The following CDC42BPA variants were observed in gnomAD, a reference collection of about 807,000 sequenced individuals.
The protein encoded by CDC42BPA is CDC42 binding protein kinase alpha, also known as serine/threonine-protein kinase MRCK alpha.
A neutral mutation model predicts 223.5 loss-of-function variants in CDC42BPA; 80 were observed. The observed-to-expected ratio is 0.36, with a 90% CI of 0.30 to 0.43. The LOEUF is 0.43. Among genes scored for constraint, CDC42BPA ranks in the 20% least tolerant of loss-of-function variants. CDC42BPA has a pLI of 1.00. For missense variants in CDC42BPA, 1,743 were observed against 2,099.9 expected (o/e 0.83, Z 3.32); for synonymous variants, 694 against 718.6 (o/e 0.97, Z 0.55).
chr1:227,246,188 T>C (rs1424271116), intron 2 of CDC42BPA, among the ~76,000 whole-genome samples: 8 of 152,176 alleles, frequency 5.3e-5, no homozygotes, highest in Admixed American at 3.9e-4. Context: ...GGAACAGTCA[T>C]GGTGCTGGCC....
At chr1:227,026,698 A>G (rs7549465) in intron 30 of CDC42BPA, among the ~76,000 whole-genome samples, 1 of 151,610 alleles carries the variant, frequency 6.6e-6, no homozygotes, top group Non-Finnish European at 1.5e-5. Context: ...GAATTATTGA[A>G]AGAGCTACAC....
chr1:227,037,350 T>C (rs1020041600), intron 24 of CDC42BPA, among the ~76,000 whole-genome samples: 4 of 152,254 alleles, frequency 2.6e-5, no homozygotes. Flanking sequence ...TCAATCTACA[T>C]GTACTTCCTG....
intron 34 of CDC42BPA, among the ~76,000 whole-genome samples, chr1:227,009,366 GACTA>G (rs941996901): frequency 1.2e-4 from 18 of 152,090 alleles, no homozygotes; most frequent in African/African-American, 3.9e-4. Flanking sequence ...AGTTATAGAT[GACTA>G]ACTAAAGCAA....
At chr1:227,160,470 A>C (rs1280399510) in intron 6 of CDC42BPA, 73 bp downstream of exon 6, 2 of 982,438 alleles carry the variant, frequency 2.0e-6, no homozygotes, top group Non-Finnish European at 3.3e-6. Context: ...GATGGTTTCT[A>C]AAACAGATAT....
rs180825801 is a variant in CDC42BPA at position 227,011,704 on chromosome 1, A to T, written c.4857+4376T>A. Among the ~76,000 whole-genome samples, 917 of 152,318 alleles carry T rather than the reference A, an allele frequency of 6.0e-3. 11 individuals carry two copies. The highest frequency in any genetic ancestry group is 0.021 in the African/African-American group (863 of 41,584). ...CTTCAATGTTCAGGTATATTTTTTA[A>T]AAATGAAATAATGTAATATCAAAGA... On this transcript the variant is annotated intron_variant, in intron 34 of 36. Transcript: ENST00000366766.
At chr1:227,179,901 A>G (rs1000367155) in intron 5 of CDC42BPA, among the ~76,000 whole-genome samples, 1 of 152,094 alleles carries the variant, frequency 6.6e-6, no homozygotes, top group African/African-American at 2.4e-5. Flanking sequence ...CACCATTTTT[A>G]GATCATTTTT....
At chr1:227,241,277 A>T (rs79270577) in intron 2 of CDC42BPA, among the ~76,000 whole-genome samples, 14,250 of 152,206 alleles carry the variant, frequency 0.094, 843 homozygotes, top group Middle Eastern at 0.17. Flanking sequence ...AACTGGAAGT[A>T]GTATGCCAGT....
At chr1:227,086,220 A>G (rs974877227) in intron 16 of CDC42BPA, among the ~76,000 whole-genome samples, 1 of 152,106 alleles carries the variant, frequency 6.6e-6, no homozygotes, top group Non-Finnish European at 1.5e-5. Context: ...TGCTTTGTTT[A>G]TCATGCACCA....
intron 1 of CDC42BPA, among the ~76,000 whole-genome samples, chr1:227,294,036 C>T (rs567947604): frequency 7.3e-4 from 111 of 152,148 alleles, no homozygotes; most frequent in African/African-American, 2.6e-3. Context: ...CTTTGGGAGG[C>T]TGAGGCGGGT....
At position 227,317,684 on chromosome 1, in the gene CDC42BPA, G is replaced by A; in HGVS notation, c.-502C>T. 2.5e-6 allele frequency: 1 copy of A among 398,514 alleles called. No individual in the cohort carries two copies. The highest frequency in any genetic ancestry group is 4.4e-6 in the Non-Finnish European group (1 of 226,086). The allele number at this position is 398,514 out of a possible 1,614,324, so 24.7% of individuals were successfully genotyped here. A position where few individuals can be genotyped will look rare whatever the true frequency, so the allele number is the denominator to read the frequency against. ...GGAAAAAAACAGAATGCATAGAAGG[G>A]GGAGGGAAAACCAAAAATGTTGCTG... is the stretch of plus-strand genomic sequence containing the variant. On this transcript the variant is annotated 5_prime_UTR_variant, in exon 1 of 37. Coordinates refer to ENST00000366766, the MANE Select transcript of CDC42BPA (RefSeq NM_001394014.1).
At chr1:227,182,879 G>C (rs1668173407) in intron 5 of CDC42BPA, 1 of 152,194 alleles carries the variant, frequency 6.6e-6, no homozygotes, top group Non-Finnish European at 1.5e-5. Context: ...CATGAAGCCT[G>C]CTTCCGCTTT....
intron 21 of CDC42BPA, chr1:227,068,554 G>T (rs921384560): frequency 1.7e-5 from 5 of 290,586 alleles, no homozygotes; most frequent in African/African-American, 6.9e-5. Context: ...TTTCAAATGT[G>T]GTATTTCTAA....
chr1:227,021,007 G>A (rs1328203079), intron 32 of CDC42BPA, among the ~76,000 whole-genome samples: 3 of 152,116 alleles, frequency 2.0e-5, no homozygotes, highest in Non-Finnish European at 4.4e-5. Context: ...GGGAACAGCT[G>A]CTTGGTGGAA....
rs565518123 is a variant in CDC42BPA, at chr1:227,200,449, A to C, written c.355-797T>G. 6.7e-5 allele frequency among the ~76,000 whole-genome samples: 10 copies of C among 149,330 alleles called. No individual in the cohort carries two copies. In the South Asian group the frequency reaches 1.9e-3, roughly 28 times the overall value. On this transcript the variant is annotated intron_variant, in intron 3 of 36. Transcript: ENST00000366766. ...TTGCCTTAAAAAACAAACAAACAAA[A>C]AAAAAACGAAAGAAAGAAAGAAAAC...
chr1:227,166,537 A>C (rs114817164), intron 5 of CDC42BPA, among the ~76,000 whole-genome samples: 1,764 of 152,324 alleles, frequency 0.012, 17 homozygotes, highest in Middle Eastern at 0.02. Flanking sequence ...CATTTGACCA[A>C]GACTATAGCT....
intron 1 of CDC42BPA, among the ~76,000 whole-genome samples, chr1:227,256,339 G>A (rs1173311337): frequency 6.6e-6 from 1 of 152,060 alleles, no homozygotes; most frequent in Non-Finnish European, 1.5e-5. Flanking sequence ...GCCAAGAGGA[G>A]GGAAAGCATT....
chr1:227,175,461 G>A (rs1330365464), intron 5 of CDC42BPA, among the ~76,000 whole-genome samples: 1 of 151,302 alleles, frequency 6.6e-6, no homozygotes, highest in Non-Finnish European at 1.5e-5. Context: ...ATAAATAACT[G>A]GATAATGGGT....
intron 21 of CDC42BPA, among the ~76,000 whole-genome samples, chr1:227,054,392 C>T (rs1385388740): frequency 2.0e-5 from 3 of 152,148 alleles, no homozygotes; most frequent in Non-Finnish European, 4.4e-5. Flanking sequence ...CTGTCTTCTA[C>T]TTTCTCGCAT....
chr1:227,237,699 A>G (rs972905274), intron 2 of CDC42BPA, among the ~76,000 whole-genome samples: 2 of 152,204 alleles, frequency 1.3e-5, no homozygotes, highest in African/African-American at 4.8e-5. Flanking sequence ...CTTGTTCCAC[A>G]AATGGACTTT....
Sources: allele counts gnomAD v4.1 joint callset (sites outside exome capture counted in the v4.1 genomes callset), GRCh38; gene constraint gnomAD v4.1.1; transcripts MANE v1.5; gene names NCBI Gene and HGNC (gene_info 2026-07-23, HGNC 2026-07-21).